Variants in ADARB2 observed in about 807,000 individuals in gnomAD.
The protein encoded by ADARB2 is inactive double-stranded RNA-specific editase B2.
In ADARB2, 25 loss-of-function variants were observed where a neutral mutation model predicts 62.2. That is an observed-to-expected ratio of 0.40 (90% CI 0.29 to 0.56). The LOEUF is 0.56. Ranked by LOEUF, ADARB2 falls within the 20% of genes least tolerant of loss-of-function variation. The pLI, the probability that ADARB2 is intolerant of heterozygous loss-of-function variation, is 0.43. For synonymous variants in ADARB2, 572 were observed against 500.8 expected (o/e 1.14, Z -1.90); for missense variants, 1,071 against 1,077.4 (o/e 0.99, Z 0.08).
In ADARB2 at chr10:1,603,044, G is replaced by A. The variant is rs572693433; in HGVS notation, c.100+134007C>T. On this transcript the variant is annotated intron_variant, in intron 1 of 9. Transcript: ENST00000381312. Reference sequence around the variant, plus strand: ...TACACACATCAATATAAACACACACGCACACACACCTATACATACACACAA... The same window carrying A: ...TACACACATCAATATAAACACACACACACACACACCTATACATACACACAA... Among the ~76,000 whole-genome samples, 15 of 147,346 alleles carry A rather than the reference G, an allele frequency of 1.0e-4. 1 individual carries two copies. The South Asian group carries it at 1.1e-3, about 11-fold the overall frequency.
chr10:1,274,015 G>A (rs1360920458), intron 3 of ADARB2, among the ~76,000 whole-genome samples: 2 of 152,352 alleles, frequency 1.3e-5, no homozygotes, highest in Admixed American at 6.5e-5. Flanking sequence ...AGGGGACAGG[G>A]CACTGAAGGG....
intron 3 of ADARB2, among the ~76,000 whole-genome samples, chr10:1,329,498 C>A (rs574237314): frequency 6.6e-6 from 1 of 152,160 alleles, no homozygotes; most frequent in Admixed American, 6.5e-5. Context: ...ACACCCAGGG[C>A]GCCTGGGTTC....
chr10:1,285,527 T>A (rs1831404864), intron 3 of ADARB2, among the ~76,000 whole-genome samples: 1 of 152,220 alleles, frequency 6.6e-6, no homozygotes, highest in South Asian at 2.1e-4. Flanking sequence ...GTGTGGTTTC[T>A]CGTTACACAA....
chr10:1,622,133 A>G (rs1342389631), intron 1 of ADARB2, among the ~76,000 whole-genome samples: 1 of 152,200 alleles, frequency 6.6e-6, no homozygotes, highest in Non-Finnish European at 1.5e-5. Flanking sequence ...TTCTGGTTCT[A>G]CTGTATACTC....
intron 1 of ADARB2, among the ~76,000 whole-genome samples, chr10:1,595,857 A>T (rs995621671): frequency 1.3e-5 from 2 of 152,200 alleles, no homozygotes; most frequent in African/African-American, 4.8e-5. Flanking sequence ...GGACATCTAC[A>T]TGTTGGAGCC....
At chr10:1,717,670 C>T (rs1014811437) in intron 1 of ADARB2, among the ~76,000 whole-genome samples, 4 of 152,030 alleles carry the variant, frequency 2.6e-5, no homozygotes, top group South Asian at 4.2e-4. Context: ...CTCCTCCTCC[C>T]GGGTTCAGGA....
intron 4 of ADARB2, among the ~76,000 whole-genome samples, chr10:1,256,413 C>T (rs1172155731): frequency 1.3e-5 from 2 of 152,180 alleles, no homozygotes; most frequent in Non-Finnish European, 2.9e-5. Context: ...GGGCCACACA[C>T]CCTGAAACCA....
intron 1 of ADARB2, among the ~76,000 whole-genome samples, chr10:1,696,807 T>C (rs4880913): frequency 0.97 from 147,037 of 152,220 alleles, 71,237 homozygotes; most frequent in East Asian, 1. Context: ...AGGTGACCCT[T>C]GGCACTTCTG....
chr10:1,712,669 C>T (rs1352289311), intron 1 of ADARB2, among the ~76,000 whole-genome samples: 3 of 29,138 alleles, frequency 1.0e-4, no homozygotes, highest in South Asian at 1.2e-3. Flanking sequence ...GGGCACTGGG[C>T]GGGATCTCGG....
intron 1 of ADARB2, among the ~76,000 whole-genome samples, chr10:1,506,744 T>A (rs953078302): frequency 6.6e-6 from 1 of 151,992 alleles, no homozygotes; most frequent in Non-Finnish European, 1.5e-5. Flanking sequence ...GGCTGTGGGG[T>A]CCCCCAAATT....
chr10:1,585,709 G>C (rs916980198), intron 1 of ADARB2, among the ~76,000 whole-genome samples: 2 of 152,216 alleles, frequency 1.3e-5, no homozygotes, highest in African/African-American at 2.4e-5. Flanking sequence ...GACTGATATT[G>C]ATTGATGTCT....
At chr10:1,509,936 C>G (rs527642332) in intron 1 of ADARB2, among the ~76,000 whole-genome samples, 1 of 152,188 alleles carries the variant, frequency 6.6e-6, no homozygotes, top group Non-Finnish European at 1.5e-5. Context: ...TGCTTTAATG[C>G]TTGCATTGCT....
intron 7 of ADARB2, 130 bp from the exon 8 acceptor site, chr10:1,200,277 T>C: frequency 7.9e-7 from 1 of 1,266,220 alleles, no homozygotes; most frequent in Non-Finnish European, 1.1e-6. Flanking sequence ...GGGAGCTCCC[T>C]GGGAGTGCCC....
intron 1 of ADARB2, among the ~76,000 whole-genome samples, chr10:1,617,077 C>T (rs898479003): frequency 6.8e-6 from 1 of 146,314 alleles, no homozygotes; most frequent in Non-Finnish European, 1.5e-5. Flanking sequence ...CAGAGGGTTA[C>T]ATTCTGTCGC....
chr10:1,547,955 G>T (rs1832550960), intron 1 of ADARB2, among the ~76,000 whole-genome samples: 1 of 152,098 alleles, frequency 6.6e-6, no homozygotes, highest in Admixed American at 6.5e-5. Context: ...GTGTTTTGTG[G>T]GCCTGAGGAT....
intron 1 of ADARB2, among the ~76,000 whole-genome samples, chr10:1,710,092 G>GA (rs1834932574): frequency 6.6e-6 from 1 of 152,188 alleles, no homozygotes; most frequent in Admixed American, 6.5e-5. Flanking sequence ...TCAAAACCGG[G>GA]AAGGTTCACA....
At chr10:1,427,769 G>A (rs1457044281) in intron 1 of ADARB2, among the ~76,000 whole-genome samples, 3 of 152,196 alleles carry the variant, frequency 2.0e-5, no homozygotes, top group East Asian at 1.9e-4. Context: ...ATAAAAAACT[G>A]TACATGGATG....
At chr10:1,444,676 CCATCCACCCACTCACTCATTCATCCATT>C (rs1830946534) in intron 1 of ADARB2, among the ~76,000 whole-genome samples, 1 of 151,546 alleles carries the variant, frequency 6.6e-6, no homozygotes, top group Non-Finnish European at 1.5e-5. Context: ...ATCCATCCAT[CCATCCACCCACTCACTCATTCATCCATT>C]CATCCACCCA....
chr10:1,386,337 A>G (rs1299204313), intron 1 of ADARB2, among the ~76,000 whole-genome samples: 5 of 152,078 alleles, frequency 3.3e-5, no homozygotes, highest in Non-Finnish European at 5.9e-5. Context: ...CATTAAATGT[A>G]AATGGACTGA....
Sources: gnomAD v4.1 joint callset for allele counts (sites outside exome capture counted in the v4.1 genomes callset) on GRCh38, gnomAD v4.1.1 for gene constraint, MANE v1.5 for transcripts, NCBI Gene and HGNC (gene_info 2026-07-23, HGNC 2026-07-21) for gene names.